Variants in PIK3R3 observed in about 807,000 individuals in gnomAD.
PIK3R3 encodes phosphatidylinositol 3-kinase regulatory subunit gamma.
In PIK3R3, 64 loss-of-function variants were observed where a neutral mutation model predicts 62.9. That is an observed-to-expected ratio of 1.02 (90% CI 0.83 to 1.25). PIK3R3 has a LOEUF of 1.25. Ranked by LOEUF, PIK3R3 falls within the 50% of genes most tolerant of loss-of-function variation. The pLI, the probability that PIK3R3 is intolerant of heterozygous loss-of-function variation, is 0.00. For synonymous variants in PIK3R3, 165 were observed against 189.0 expected, an observed-to-expected ratio of 0.87 and a Z score of 1.04; for missense variants, 614 against 561.6, an observed-to-expected ratio of 1.09 and a Z score of -0.94.
At chr1:46,110,543 C>T (rs2149453857) in intron 1 of PIK3R3, among the ~76,000 whole-genome samples, 1 of 152,090 alleles carries the variant, frequency 6.6e-6, no homozygotes, top group South Asian at 2.1e-4. Context: ...TTTGATTCTA[C>T]AGAGCTCTTC....
the PIK3R3 span, among the ~76,000 whole-genome samples, chr1:46,163,049 G>A: frequency 1.3e-5 from 2 of 152,182 alleles, no homozygotes; most frequent in African/African-American, 4.8e-5. Flanking sequence ...TCTTACCTAT[G>A]AAGAATATGG....
chr1:46,170,311 T>C, the PIK3R3 span, among the ~76,000 whole-genome samples: 1 of 152,196 alleles, frequency 6.6e-6, no homozygotes, highest in Non-Finnish European at 1.5e-5. Flanking sequence ...TTTGTTTGTA[T>C]AATTCTGCTT....
At chr1:46,108,712 TCTC>T (rs1653436749) in intron 1 of PIK3R3, among the ~76,000 whole-genome samples, 1 of 152,170 alleles carries the variant, frequency 6.6e-6, no homozygotes, top group Non-Finnish European at 1.5e-5. Flanking sequence ...CAAAGGTTTA[TCTC>T]CTCCTTCCCT....
At chr1:46,154,394 C>T in the PIK3R3 span, among the ~76,000 whole-genome samples, 1 of 151,924 alleles carries the variant, frequency 6.6e-6, no homozygotes, top group African/African-American at 2.4e-5. Context: ...ACAGCGAGAC[C>T]CCAACTCCAC....
chr1:46,075,952 A>G (rs1650033041), intron 3 of PIK3R3, among the ~76,000 whole-genome samples: 1 of 152,194 alleles, frequency 6.6e-6, no homozygotes, highest in African/African-American at 2.4e-5. Flanking sequence ...CAAAGGCTGG[A>G]GTTCTGATTT....
chr1:46,136,918 T>A (rs965692102), upstream of PIK3R3, among the ~76,000 whole-genome samples: 2 of 151,974 alleles, frequency 1.3e-5, no homozygotes, highest in Non-Finnish European at 2.9e-5. Flanking sequence ...ACAAATTAGA[T>A]CCAAATGGCA....
chr1:46,128,870 C>T (rs1419310707), intron 1 of PIK3R3, among the ~76,000 whole-genome samples: 2 of 152,132 alleles, frequency 1.3e-5, no homozygotes, highest in Non-Finnish European at 2.9e-5. Context: ...CACCTGAGGT[C>T]AGGAGTTCGA....
intron 1 of PIK3R3, among the ~76,000 whole-genome samples, chr1:46,122,193 T>C (rs1189702993): frequency 6.6e-6 from 1 of 152,100 alleles, no homozygotes; most frequent in Non-Finnish European, 1.5e-5. Flanking sequence ...ATACAACATA[T>C]ATGGGCAAGC....
Position 46,065,666 on chromosome 1 carries a change from A to G in PIK3R3, c.621+388T>C, listed in dbSNP as rs183113967. The stretch of plus-strand genomic sequence containing the variant: ...TCCTTCCTATTCTTACTTCCTGTTT[A>G]CTAGAATATGGTTGTGATGGCTGAT... On this transcript the variant is annotated intron_variant, in intron 5 of 9. Coordinates refer to ENST00000262741, the MANE Select transcript of PIK3R3 (RefSeq NM_003629.4). Among the ~76,000 whole-genome samples, 506 of 152,296 alleles carry G rather than the reference A, an allele frequency of 3.3e-3. 5 individuals carry two copies. Among genetic ancestry groups the G allele is most frequent in the South Asian group, 0.01 (49 of 4,826 alleles).
Position 46,051,904 on chromosome 1 carries a change from G to A in PIK3R3, c.941+3891C>T, listed in dbSNP as rs151239495. 6.1e-3 allele frequency among the ~76,000 whole-genome samples: 925 copies of A among 152,156 alleles called. 10 individuals are homozygous for A. The highest frequency in any genetic ancestry group is 0.021 in the African/African-American group (888 of 41,508). The stretch of plus-strand genomic sequence containing the variant: ...AACAAATAATACACTTTGGGAGGCC[G>A]AGGCAGGCGGATCACAAGGTCAGGA... On this transcript the variant is annotated intron_variant, in intron 7 of 9. Transcript: ENST00000262741.
At chr1:46,101,763 T>C (rs1028390911) in intron 1 of PIK3R3, among the ~76,000 whole-genome samples, 2 of 152,084 alleles carry the variant, frequency 1.3e-5, no homozygotes, top group Non-Finnish European at 2.9e-5. Context: ...TTGAACAGAA[T>C]TTACCAGGAG....
upstream of PIK3R3, chr1:46,132,730 G>A (rs772665139): frequency 3.9e-6 from 5 of 1,288,326 alleles, no homozygotes; most frequent in East Asian, 1.1e-4. Context: ...GCGCCGGGAG[G>A]GGGGACAGCA....
At chr1:46,152,809 C>G in the PIK3R3 span, among the ~76,000 whole-genome samples, 1 of 152,108 alleles carries the variant, frequency 6.6e-6, no homozygotes, top group Non-Finnish European at 1.5e-5. Context: ...GTGATCTGCC[C>G]TCCTCGGCCT....
rs548487393 is a variant in PIK3R3, at chr1:46,079,125, C to T, written c.216-1512G>A. On this transcript the variant is annotated intron_variant, in intron 2 of 9. Transcript: ENST00000262741. ...AGGGTAAAAAAAAATTAAATAAATA[C>T]CATTTTGGTAGAGGAAGAGAACAGA... 3.3e-5 allele frequency among the ~76,000 whole-genome samples: 5 copies of T among 151,964 alleles called. No homozygotes were observed. The South Asian group carries it at 8.3e-4, about 25-fold the overall frequency.
At chr1:46,075,868 A>G (rs1051529215) in intron 3 of PIK3R3, among the ~76,000 whole-genome samples, 4 of 152,210 alleles carry the variant, frequency 2.6e-5, no homozygotes, top group Non-Finnish European at 5.9e-5. Context: ...AGCCAATGGT[A>G]TAACTCTCAG....
intron 1 of PIK3R3, among the ~76,000 whole-genome samples, chr1:46,101,890 T>A (rs1030470363): frequency 6.6e-6 from 1 of 151,794 alleles, no homozygotes; most frequent in South Asian, 2.1e-4. Flanking sequence ...AATTGTACAC[T>A]TCAAACAGTT....
At chr1:46,077,252 C>T (rs1465143695) in intron 3 of PIK3R3, among the ~76,000 whole-genome samples, 2 of 152,142 alleles carry the variant, frequency 1.3e-5, no homozygotes, top group Non-Finnish European at 2.9e-5. Context: ...ATAAGGTCAA[C>T]AGTATGCTTC....
At chr1:46,066,682 CG>C (rs1649020874) in intron 4 of PIK3R3, among the ~76,000 whole-genome samples, 2 of 151,900 alleles carry the variant, frequency 1.3e-5, no homozygotes, top group South Asian at 4.2e-4. Flanking sequence ...TCCCAGCTAC[CG>C]GGGAGGCTGA....
intron 1 of PIK3R3, among the ~76,000 whole-genome samples, chr1:46,094,856 A>T (rs1014008053): frequency 6.6e-6 from 1 of 152,234 alleles, no homozygotes; most frequent in African/African-American, 2.4e-5. Context: ...TAGAATTTGG[A>T]TCGTATGTTA....
Sources: gnomAD v4.1 joint callset for allele counts (sites outside exome capture counted in the v4.1 genomes callset) on GRCh38, gnomAD v4.1.1 for gene constraint, MANE v1.5 for transcripts, NCBI Gene and HGNC (gene_info 2026-07-23, HGNC 2026-07-21) for gene names.